Variants in SRD5A2 observed in about 807,000 individuals in gnomAD.
The protein encoded by SRD5A2 is 3-oxo-5-alpha-steroid 4-dehydrogenase 2.
A neutral mutation model predicts 27.4 loss-of-function variants in SRD5A2; 30 were observed. The observed-to-expected ratio is 1.10, with a 90% confidence interval of 0.82 to 1.49. The LOEUF is 1.49. Among genes scored for constraint, SRD5A2 ranks in the 40% most tolerant of loss-of-function variants. SRD5A2 has a pLI of 0.00. For missense variants in SRD5A2, 348 were observed against 323.4 expected (o/e 1.08, Z -0.58); for synonymous variants, 141 against 133.6 (o/e 1.06, Z -0.38).
the SRD5A2 span, among the ~76,000 whole-genome samples, chr2:31,590,457 C>CT: frequency 6.6e-6 from 1 of 152,056 alleles, no homozygotes; most frequent in African/African-American, 2.4e-5. Flanking sequence ...TGGGAGTTCA[C>CT]TCATGATGGG....
upstream of SRD5A2, among the ~76,000 whole-genome samples, chr2:31,582,099 T>C (rs1399496770): frequency 6.6e-6 from 1 of 152,166 alleles, no homozygotes; most frequent in South Asian, 2.1e-4. Context: ...TCCTGTCCCA[T>C]CTCCCTTGAT....
intron 1 of SRD5A2, among the ~76,000 whole-genome samples, chr2:31,549,735 T>C (rs941447768): frequency 6.6e-6 from 1 of 152,172 alleles, no homozygotes; most frequent in East Asian, 1.9e-4. Flanking sequence ...TGGCAAATTA[T>C]ATGAAGCAAA....
chr2:31,587,741 C>G, the SRD5A2 span, among the ~76,000 whole-genome samples: 1 of 152,028 alleles, frequency 6.6e-6, no homozygotes, highest in Non-Finnish European at 1.5e-5. Flanking sequence ...ACACCAGGAC[C>G]TGTCAAGGGG....
chr2:31,609,013 G>A, the SRD5A2 span, among the ~76,000 whole-genome samples: 14 of 152,154 alleles, frequency 9.2e-5, no homozygotes, highest in South Asian at 2.9e-3. Context: ...GAGAGAAAGA[G>A]GGAGATCTTT....
the SRD5A2 span, among the ~76,000 whole-genome samples, chr2:31,596,679 C>T: frequency 1.3e-5 from 2 of 152,108 alleles, no homozygotes; most frequent in South Asian, 2.1e-4. Flanking sequence ...AAATCAGTAG[C>T]TCTGCTATAC....
chr2:31,560,091 A>T (rs1363065118), intron 1 of SRD5A2, among the ~76,000 whole-genome samples: 1 of 126,922 alleles, frequency 7.9e-6, no homozygotes, highest in Non-Finnish European at 1.6e-5. Flanking sequence ...GTCATTGACC[A>T]TTGGGAATCA....
At chr2:31,595,800 C>T in the SRD5A2 span, among the ~76,000 whole-genome samples, 2 of 152,002 alleles carry the variant, frequency 1.3e-5, no homozygotes, top group African/African-American at 4.8e-5. Flanking sequence ...ATGCAAAAAT[C>T]TTCAACAAAA....
At chr2:31,609,796 C>T in the SRD5A2 span, among the ~76,000 whole-genome samples, 2 of 151,624 alleles carry the variant, frequency 1.3e-5, no homozygotes, top group Admixed American at 1.3e-4. Context: ...AAAAGATGGC[C>T]CACAAAATGG....
chr2:31,552,164 T>C (rs371549713), intron 1 of SRD5A2, among the ~76,000 whole-genome samples: 3 of 150,450 alleles, frequency 2.0e-5, no homozygotes, highest in Non-Finnish European at 4.4e-5. Context: ...AACAATAATA[T>C]ACACACCAAA....
the SRD5A2 span, among the ~76,000 whole-genome samples, chr2:31,614,494 G>C: frequency 6.6e-6 from 1 of 152,214 alleles, no homozygotes; most frequent in African/African-American, 2.4e-5. Context: ...GGCATTGAGT[G>C]TCTGTGGTTT....
At chr2:31,621,548 G>T in the SRD5A2 span, among the ~76,000 whole-genome samples, 1 of 152,114 alleles carries the variant, frequency 6.6e-6, no homozygotes, top group Admixed American at 6.6e-5. Context: ...CAAGTAAGCT[G>T]CTATGAAGAT....
In SRD5A2 at chr2:31,533,662, T is replaced by G. The variant is rs375231207; in HGVS notation, c.386A>C (p.Tyr129Ser). Residue 129 changes from tyrosine (Y) to serine (S), a missense_variant, in exon 2 of 5, where the codon TAT (tyrosine) becomes TCT (serine). Tyr to Ser is a moderately radical substitution (Grantham distance 144). Transcript: ENST00000622030. ...AGGGTATTCAGCACAGTAAATCAGA[T>G]AGTAGCCTTGAAGGACTCCATTTCC... is the stretch of plus-strand genomic sequence containing the variant. ...CTGNGVLQGYYLIYCAEYPDG... is the reference protein window; with the variant it reads ...CTGNGVLQGYSLIYCAEYPDG... The G allele has an allele frequency of 1.3e-6, 2 of 1,563,242 alleles. No homozygotes were observed. The highest frequency in any genetic ancestry group is 1.7e-6 in the Non-Finnish European group (2 of 1,153,314).
intron 1 of SRD5A2, among the ~76,000 whole-genome samples, chr2:31,537,487 C>T (rs1456126740): frequency 6.6e-6 from 1 of 152,128 alleles, no homozygotes; most frequent in Non-Finnish European, 1.5e-5. Context: ...TTAATCACTC[C>T]CTCTTTCTGG....
chr2:31,538,501 C>T (rs540366554), intron 1 of SRD5A2, among the ~76,000 whole-genome samples: 8 of 152,316 alleles, frequency 5.3e-5, no homozygotes, highest in African/African-American at 1.9e-4. Flanking sequence ...ATTTACTCCA[C>T]CGCAATCTAT....
Position 31,523,878 on chromosome 2 carries a change from T to A in SRD5A2, c.*2318A>T. On this transcript the variant is annotated 3_prime_UTR_variant, in exon 5 of 5. Transcript: ENST00000622030. ...ATTGAACACAACAGCCCTAGAACAC[T>A]GAGAATACCTGAATTATCAAGGGAA... The A allele has an allele frequency of 4.6e-6, 1 of 219,172 alleles. No individual in the cohort carries two copies. The highest frequency in any genetic ancestry group is 9.2e-6 in the Non-Finnish European group (1 of 109,216). The allele number at this position is 219,172 out of a possible 1,614,324, so 13.6% of individuals were successfully genotyped here.
the SRD5A2 span, among the ~76,000 whole-genome samples, chr2:31,603,328 A>G: frequency 6.6e-6 from 1 of 152,132 alleles, no homozygotes; most frequent in African/African-American, 2.4e-5. Flanking sequence ...TCATTAGAGA[A>G]ATGCAAATAA....
chr2:31,542,079 C>A (rs1418179015), intron 1 of SRD5A2, among the ~76,000 whole-genome samples: 2 of 152,164 alleles, frequency 1.3e-5, no homozygotes, highest in African/African-American at 4.8e-5. Flanking sequence ...ACATTGGACA[C>A]CAGCCAGGGT....
At chr2:31,645,232 T>C in the SRD5A2 span, among the ~76,000 whole-genome samples, 5 of 152,202 alleles carry the variant, frequency 3.3e-5, 1 homozygote, top group South Asian at 1.0e-3. Flanking sequence ...AAAAAATGAA[T>C]AAGACCTACT....
the SRD5A2 span, among the ~76,000 whole-genome samples, chr2:31,597,197 C>A: frequency 3.3e-5 from 5 of 152,160 alleles, no homozygotes; most frequent in South Asian, 4.1e-4. Context: ...TGATCTTTGA[C>A]AAAGCAAACA....
Sources: allele counts gnomAD v4.1 joint callset (sites outside exome capture counted in the v4.1 genomes callset), GRCh38; gene constraint gnomAD v4.1.1; transcripts MANE v1.5; gene names NCBI Gene and HGNC (gene_info 2026-07-23, HGNC 2026-07-21).